Variants in BDNF observed in about 807,000 individuals in gnomAD.
BDNF encodes the protein brain derived neurotrophic factor.
In BDNF, 1 loss-of-function variant was observed where a neutral mutation model predicts 19.5. The ratio of observed to expected loss-of-function variants is 0.05; its 90% CI spans 0.02 to 0.24. The LOEUF (loss-of-function observed/expected upper bound fraction) is 0.24, where lower values mean the gene tolerates loss of function less well. BDNF is among the 10% of genes least tolerant of loss of function. The pLI, the probability that BDNF is intolerant of heterozygous loss-of-function variation, is 1.00. For synonymous variants in BDNF, 100 were observed against 121.6 expected (o/e 0.82, Z 1.17); for missense variants, 195 against 317.6 (o/e 0.61, Z 2.93).
rs975615810 is a variant in BDNF, at chr11:27,721,547, G to C, written c.-133C>G. 4 of 932,466 alleles carry C rather than the reference G, an allele frequency of 4.3e-6. No homozygotes were observed. In the African/African-American group the frequency reaches 4.8e-5, roughly 11 times the overall value. 57.8% of individuals were successfully genotyped at this position (932,466 alleles called of 1,614,324 possible). ...TTGCTCAGTGGATCGCCCACCACTT[G>C]GTGTGACTTATGAATCTAATAACCC... On this transcript the variant is annotated 5_prime_UTR_variant, in exon 1 of 2. Coordinates refer to the BDNF transcript ENST00000314915.
intron 1 of BDNF, among the ~76,000 whole-genome samples, chr11:27,710,910 A>G (rs1860298713): frequency 6.6e-6 from 1 of 152,224 alleles, no homozygotes; most frequent in South Asian, 2.1e-4. Context: ...TTGGGTTAAT[A>G]AACTAAAGTG....
chr11:27,667,449 T>G (rs1199908409), intron 1 of BDNF, among the ~76,000 whole-genome samples: 1 of 152,148 alleles, frequency 6.6e-6, no homozygotes. Flanking sequence ...GGCTAAATGC[T>G]CCAGTTAAAA....
intron 1 of BDNF, among the ~76,000 whole-genome samples, chr11:27,676,417 AT>A (rs973775092): frequency 4.7e-4 from 69 of 147,368 alleles, no homozygotes; most frequent in Admixed American, 7.4e-4. Flanking sequence ...ACTGAAGGGG[AT>A]TTTTTTTTTT....
At chr11:27,675,745 G>A (rs1856013292) in intron 1 of BDNF, 1 of 152,056 alleles carries the variant, frequency 6.6e-6, no homozygotes, top group Admixed American at 6.6e-5. Flanking sequence ...GAATAGTTCA[G>A]AAAACGACTT....
intron 1 of BDNF, among the ~76,000 whole-genome samples, chr11:27,714,507 C>G (rs1052498712): frequency 6.6e-6 from 1 of 152,138 alleles, no homozygotes; most frequent in Non-Finnish European, 1.5e-5. Flanking sequence ...TAAAAATAAT[C>G]CGCAGAAATT....
At chr11:27,682,266 C>T (rs1856929128) in intron 1 of BDNF, among the ~76,000 whole-genome samples, 1 of 151,836 alleles carries the variant, frequency 6.6e-6, no homozygotes, top group Admixed American at 6.6e-5. Flanking sequence ...GGACCCAATA[C>T]CAAACTTACA....
chr11:27,700,746 C>A, upstream of BDNF: 2 of 1,188,426 alleles, frequency 1.7e-6, no homozygotes, highest in South Asian at 3.1e-5. Context: ...GGACAGGACG[C>A]CCGCGGCTTC....
At chr11:27,691,529 C>G (rs936129466) in intron 1 of BDNF, among the ~76,000 whole-genome samples, 2 of 152,136 alleles carry the variant, frequency 1.3e-5, no homozygotes, top group Non-Finnish European at 2.9e-5. Context: ...AAACTATAAA[C>G]TATATGATAT....
intron 1 of BDNF, among the ~76,000 whole-genome samples, chr11:27,692,322 G>A (rs1462240054): frequency 2.0e-5 from 3 of 152,078 alleles, no homozygotes; most frequent in Non-Finnish European, 4.4e-5. Context: ...TTTCATTTCA[G>A]CCTTCCTACC....
upstream of BDNF, among the ~76,000 whole-genome samples, chr11:27,701,974 C>A (rs1410235917): frequency 6.6e-6 from 1 of 151,712 alleles, no homozygotes; most frequent in Non-Finnish European, 1.5e-5. Flanking sequence ...CGCCCTCCAC[C>A]CCCACCACTG....
At chr11:27,721,226 T>C (rs1860732449) in intron 1 of BDNF, among the ~76,000 whole-genome samples, 1 of 152,026 alleles carries the variant, frequency 6.6e-6, no homozygotes, top group African/African-American at 2.4e-5. Context: ...TCCACGCAGT[T>C]CCACATAGCT....
chr11:27,674,519 A>G, intron 1 of BDNF: 1 of 985,250 alleles, frequency 1.0e-6, no homozygotes, highest in East Asian at 1.1e-4. Flanking sequence ...AGCCATGTGG[A>G]CCCTATTCAA....
intron 1 of BDNF, among the ~76,000 whole-genome samples, chr11:27,710,864 C>A (rs1435688680): frequency 6.6e-6 from 1 of 152,104 alleles, no homozygotes; most frequent in African/African-American, 2.4e-5. Flanking sequence ...TTGGAACTGC[C>A]CTAAACAAGT....
rs779034534 is a variant in BDNF at position 27,658,375 on chromosome 11, C to T, written c.190G>A (p.Glu64Lys). ...RGLTSLADTF[E>K]HVIEELLDED... Reference sequence around the variant, plus strand: ...TCCAACAGCTCTTCTATCACGTGTTCGAAAGTGTCAGCCAATGATGTCAAG... The same window carrying T: ...TCCAACAGCTCTTCTATCACGTGTTTGAAAGTGTCAGCCAATGATGTCAAG... The change falls in exon 2 of 2, where the codon GAA (glutamate) becomes AAA (lysine). Residue 64 changes from glutamate (E) to lysine (K), a missense_variant. Physicochemically the swap from Glu to Lys is moderately conservative, Grantham distance 56. Transcript: ENST00000356660. The surrounding 1 kb of genome is among the most constrained non-coding windows in gnomAD (Gnocchi z 5.7). 8 of 1,614,160 alleles carry T rather than the reference C, an allele frequency of 5.0e-6. No homozygotes were observed. Among genetic ancestry groups the T allele is most frequent in the East Asian group, 2.2e-5 (1 of 44,880 alleles).
At chr11:27,664,705 T>C (rs949457021) in intron 1 of BDNF, among the ~76,000 whole-genome samples, 3 of 151,994 alleles carry the variant, frequency 2.0e-5, no homozygotes, top group African/African-American at 4.8e-5. Context: ...ATTACTTGAG[T>C]CTAAGAAGTT....
At chr11:27,681,685 T>C (rs1420194616) in intron 1 of BDNF, among the ~76,000 whole-genome samples, 1 of 152,170 alleles carries the variant, frequency 6.6e-6, no homozygotes, top group African/African-American at 2.4e-5. Flanking sequence ...GTATGAAGCA[T>C]GCTGATTAAA....
At chr11:27,678,059 C>A (rs189176984) in intron 1 of BDNF, among the ~76,000 whole-genome samples, 186 of 152,272 alleles carry the variant, frequency 1.2e-3, no homozygotes, top group African/African-American at 4.4e-3. Flanking sequence ...TGCCTAACTC[C>A]CACTTTCTAT....
In BDNF at chr11:27,697,164, C is replaced by CACAGAG. The variant is rs1182832997; in HGVS notation, c.-22+2999_-22+3000insCTCTGT. ...GCACGCACACACACACACACACACACAGAGAGAGAGAGAGAGAGAGAGAGA... is the reference window on the plus strand; with the variant it reads ...GCACGCACACACACACACACACACACACAGAGAGAGAGAGAGAGAGAGAGAGAGAGA... On this transcript the variant is annotated intron_variant, in intron 1 of 1. Coordinates refer to ENST00000356660, the MANE Select transcript of BDNF (RefSeq NM_001709.5). Among the ~76,000 whole-genome samples the CACAGAG allele has an allele frequency of 1.7e-4, 22 of 133,166 alleles. No homozygotes were observed. In the South Asian group the frequency reaches 2.7e-3, roughly 16 times the overall value. The allele number at this position is 133,166 out of a possible 152,430, so 87.4% of individuals were successfully genotyped here. A position where few individuals can be genotyped will look rare whatever the true frequency, so the allele number is the denominator to read the frequency against.
At chr11:27,701,898 G>C (rs965378176), upstream of BDNF, among the ~76,000 whole-genome samples, 17 of 152,078 alleles carry the variant, frequency 1.1e-4, no homozygotes, top group African/African-American at 3.9e-4. Flanking sequence ...AAAGTCTTCT[G>C]CTTTAACCAG....
Sources: gnomAD v4.1 joint callset for allele counts (sites outside exome capture counted in the v4.1 genomes callset) on GRCh38, gnomAD v4.1.1 for gene constraint, Gnocchi (gnomAD v3.1) non-coding constraint, MANE v1.5 for transcripts, NCBI Gene and HGNC (gene_info 2026-07-23, HGNC 2026-07-21) for gene names.